Variants in PPP2R5E observed in about 807,000 individuals in gnomAD.
The protein encoded by PPP2R5E is serine/threonine-protein phosphatase 2A 56 kDa regulatory subunit epsilon isoform.
Under a neutral mutation model 65.3 loss-of-function variants are expected in PPP2R5E, and 4 were observed. The ratio of observed to expected loss-of-function variants is 0.06; its 90% confidence interval spans 0.03 to 0.14. PPP2R5E has a LOEUF of 0.14. PPP2R5E is among the 10% of genes least tolerant of loss of function. The pLI is 1.00. For synonymous variants in PPP2R5E, 183 were observed against 187.4 expected, an observed-to-expected ratio of 0.98 and a Z score of 0.19; for missense variants, 274 against 556.1, an observed-to-expected ratio of 0.49 and a Z score of 5.10.
chr14:63,383,732 T>G (rs926561164), intron 12 of PPP2R5E, among the ~76,000 whole-genome samples: 2 of 152,210 alleles, frequency 1.3e-5, no homozygotes. Flanking sequence ...GAGAAAAATG[T>G]AAAGGCATTC....
intron 2 of PPP2R5E, among the ~76,000 whole-genome samples, chr14:63,481,756 T>A (rs1320051760): frequency 6.6e-6 from 1 of 152,222 alleles, no homozygotes; most frequent in Non-Finnish European, 1.5e-5. Flanking sequence ...CACAGCCTCA[T>A]GGTCACAAGA....
At chr14:63,531,133 G>A (rs534859210) in intron 2 of PPP2R5E, among the ~76,000 whole-genome samples, 12 of 152,230 alleles carry the variant, frequency 7.9e-5, no homozygotes, top group Middle Eastern at 3.4e-3. Flanking sequence ...GCGCCATTGC[G>A]CTCCAGCCTG....
rs573629314 is a variant in PPP2R5E at position 63,384,884 on chromosome 14, C to A, written c.1075-313G>T. Among the ~76,000 whole-genome samples the A allele has an allele frequency of 8.5e-5, 13 of 152,126 alleles. No individual in the cohort carries two copies. In the South Asian group the frequency reaches 2.1e-3, roughly 24 times the overall value. On this transcript the variant is annotated intron_variant, in intron 11 of 13. Transcript: ENST00000337537. ...CTAATGTTTGTATTTTTAGTAGAGG[C>A]GGGGTTTCACCACATTGGCCAGGAT...
rs1005000840 is a variant in PPP2R5E, at chr14:63,372,991, G to A, written c.*3018C>T. 5 of 151,630 alleles carry A rather than the reference G, an allele frequency of 3.3e-5. No individual in the cohort carries two copies. Among genetic ancestry groups the A allele is most frequent in the African/African-American group, 1.2e-4 (5 of 41,240 alleles). 9.4% of individuals were successfully genotyped at this position (151,630 alleles called of 1,614,324 possible). On this transcript the variant is annotated 3_prime_UTR_variant, in exon 14 of 14. Coordinates refer to ENST00000337537, the MANE Select transcript of PPP2R5E (RefSeq NM_006246.5). ...GAGCAAAATATAATAAAATTTAAAA[G>A]GACAAAAACTCAACACTGAAGGAAA... is the stretch of plus-strand genomic sequence containing the variant.
intron 11 of PPP2R5E, among the ~76,000 whole-genome samples, chr14:63,387,761 C>T (rs993260057): frequency 6.6e-6 from 1 of 152,134 alleles, no homozygotes; most frequent in African/African-American, 2.4e-5. Context: ...GGACACAAGA[C>T]TTTTAGGAGG....
intron 3 of PPP2R5E, among the ~76,000 whole-genome samples, chr14:63,434,262 A>T (rs1408037593): frequency 6.6e-6 from 1 of 152,254 alleles, no homozygotes; most frequent in Non-Finnish European, 1.5e-5. Context: ...AAACAAACAA[A>T]AAATGGCAGA....
chr14:63,437,061 G>A (rs1887981887), intron 3 of PPP2R5E, among the ~76,000 whole-genome samples: 1 of 152,172 alleles, frequency 6.6e-6, no homozygotes, highest in Non-Finnish European at 1.5e-5. Context: ...AACCAAGATG[G>A]CAAGGAGAGT....
chr14:63,466,244 A>G (rs1889787685), intron 2 of PPP2R5E, among the ~76,000 whole-genome samples: 1 of 148,604 alleles, frequency 6.7e-6, no homozygotes, highest in Non-Finnish European at 1.5e-5. Flanking sequence ...AGACATCATG[A>G]AACTTAAAAA....
At chr14:63,444,167 C>T (rs180714782) in intron 3 of PPP2R5E, among the ~76,000 whole-genome samples, 3 of 152,218 alleles carry the variant, frequency 2.0e-5, no homozygotes, top group Admixed American at 2.0e-4. Context: ...CTCCAACACA[C>T]ATATACACAT....
chr14:63,469,155 A>C (rs1264700236), intron 2 of PPP2R5E, among the ~76,000 whole-genome samples: 1 of 152,254 alleles, frequency 6.6e-6, no homozygotes, highest in Non-Finnish European at 1.5e-5. Flanking sequence ...AATATACACT[A>C]TTAAGCAAAA....
rs199591299 is a variant in PPP2R5E, at chr14:63,461,640, T to TAAA, written c.158-7758_158-7756dup. 7.8e-3 allele frequency among the ~76,000 whole-genome samples: 1,089 copies of TAAA among 139,794 alleles called. 42 individuals are homozygous for TAAA. The East Asian group carries it at 0.11, about 14-fold the overall frequency. The allele number at this position is 139,794 out of a possible 152,430, so 91.7% of individuals were successfully genotyped here. A position where few individuals can be genotyped will look rare whatever the true frequency, so the allele number is the denominator to read the frequency against. ...AGCGAGATCGCGTCTCTACAAAATT[T>TAAA]AAAAAAAAAAAAAAATTGCTGGGCT... On this transcript the variant is annotated intron_variant, in intron 2 of 13. Coordinates refer to ENST00000337537, the MANE Select transcript of PPP2R5E (RefSeq NM_006246.5).
chr14:63,395,076 G>A, intron 7 of PPP2R5E, 150 bp downstream of exon 7: 1 of 619,122 alleles, frequency 1.6e-6, no homozygotes, highest in Non-Finnish European at 2.8e-6. Context: ...GTCTTGTAGA[G>A]TCAGCTGGAA....
intron 2 of PPP2R5E, among the ~76,000 whole-genome samples, chr14:63,510,168 C>A (rs1400908633): frequency 6.6e-6 from 1 of 152,194 alleles, no homozygotes; most frequent in Admixed American, 6.5e-5. Flanking sequence ...TTAAATATCA[C>A]AACACCGGTC....
chr14:63,408,120 G>A (rs1451730121), intron 5 of PPP2R5E, among the ~76,000 whole-genome samples: 1 of 152,086 alleles, frequency 6.6e-6, no homozygotes, highest in Non-Finnish European at 1.5e-5. Flanking sequence ...CATTGAGTAG[G>A]TCTATCACAT....
chr14:63,439,363 T>TG (rs989792728), intron 3 of PPP2R5E, among the ~76,000 whole-genome samples: 9 of 151,832 alleles, frequency 5.9e-5, no homozygotes, highest in East Asian at 3.9e-4. Flanking sequence ...TGTTTTTTTT[T>TG]TTTGTTTTTG....
chr14:63,420,841 A>C (rs1361676120), intron 4 of PPP2R5E, among the ~76,000 whole-genome samples: 1 of 101,252 alleles, frequency 9.9e-6, no homozygotes, highest in Non-Finnish European at 1.9e-5. Flanking sequence ...TCACGAGGTC[A>C]AGAGATCGAG....
intron 13 of PPP2R5E, among the ~76,000 whole-genome samples, chr14:63,377,889 C>T (rs1884081752): frequency 6.6e-6 from 1 of 152,126 alleles, no homozygotes; most frequent in African/African-American, 2.4e-5. Flanking sequence ...TTCTTAGAGT[C>T]AGGGTCTCAT....
At chr14:63,447,527 T>A (rs1888548025) in intron 3 of PPP2R5E, among the ~76,000 whole-genome samples, 1 of 152,256 alleles carries the variant, frequency 6.6e-6, no homozygotes, top group Admixed American at 6.5e-5. Context: ...GGCTTTGGCA[T>A]AAGGAACGTT....
At chr14:63,464,768 T>C (rs1280122969) in intron 2 of PPP2R5E, among the ~76,000 whole-genome samples, 1 of 152,204 alleles carries the variant, frequency 6.6e-6, no homozygotes, top group African/African-American at 2.4e-5. Context: ...ATGCCTGTAA[T>C]CCCAGCACCT....
Sources: gnomAD v4.1 joint callset for allele counts (sites outside exome capture counted in the v4.1 genomes callset) on GRCh38, gnomAD v4.1.1 for gene constraint, MANE v1.5 for transcripts, NCBI Gene and HGNC (gene_info 2026-07-23, HGNC 2026-07-21) for gene names.